Variants in RALGAPA2 observed in about 807,000 individuals in gnomAD.
The protein encoded by RALGAPA2 is ral GTPase-activating protein subunit alpha-2.
Under a neutral mutation model 230.4 loss-of-function variants are expected in RALGAPA2, and 139 were observed. That is an observed-to-expected ratio of 0.60 (90% confidence interval 0.53 to 0.69). RALGAPA2 has a LOEUF of 0.69. RALGAPA2 is among the 30% of genes least tolerant of loss of function. RALGAPA2 has a pLI of 0.00. For synonymous variants in RALGAPA2, 847 were observed against 837.8 expected (o/e 1.01, Z -0.19); for missense variants, 2,163 against 2,276.0 (o/e 0.95, Z 1.01).
intron 38 of RALGAPA2, among the ~76,000 whole-genome samples, chr20:20,404,573 G>A (rs1569365593): frequency 6.6e-6 from 1 of 152,210 alleles, no homozygotes; most frequent in South Asian, 2.1e-4. Context: ...CACAAGGAAT[G>A]TGAACCCGGG....
intron 7 of RALGAPA2, among the ~76,000 whole-genome samples, chr20:20,639,044 T>TCC (rs1021465512): frequency 2.0e-5 from 3 of 152,176 alleles, no homozygotes; most frequent in Non-Finnish European, 4.4e-5. Context: ...AAGTGTGCCC[T>TCC]CCTTCTGGGC....
chr20:20,657,539 C>A (rs933019277), intron 3 of RALGAPA2, among the ~76,000 whole-genome samples: 1 of 152,262 alleles, frequency 6.6e-6, no homozygotes, highest in East Asian at 1.9e-4. Flanking sequence ...AAGAGACGGG[C>A]CCCCTACTTG....
intron 16 of RALGAPA2, 47 bp from the exon 17 acceptor site, chr20:20,591,361 A>G: frequency 1.3e-6 from 2 of 1,571,540 alleles, no homozygotes; most frequent in Non-Finnish European, 8.7e-7. Flanking sequence ...AAGTTTTTAA[A>G]AAACACATTC....
At position 20,583,215 on chromosome 20, in the gene RALGAPA2, T is replaced by C; in HGVS notation, c.2542A>G (p.Asn848Asp). The C allele has an allele frequency of 6.2e-7, 1 of 1,604,772 alleles. No individual in the cohort carries two copies. Among genetic ancestry groups the C allele is most frequent in the Non-Finnish European group, 8.5e-7 (1 of 1,176,618 alleles). Residue 848 changes from asparagine to aspartate, a missense_variant, in exon 20 of 40, where the codon AAC (asparagine) becomes GAC (aspartate). Coordinates refer to ENST00000202677, the MANE Select transcript of RALGAPA2 (RefSeq NM_020343.4). Reference protein sequence around the residue: ...CRERQKSESTNSDTTLGCTNE... With the variant: ...CRERQKSESTDSDTTLGCTNE... ...GTACAGCCCAGAGTTGTGTCACTGT[T>C]GGTACTTTCACCTGGTACAATGGAA... is the stretch of plus-strand genomic sequence containing the variant.
chr20:20,509,005 A>C (rs2062619695), intron 33 of RALGAPA2, among the ~76,000 whole-genome samples: 1 of 152,238 alleles, frequency 6.6e-6, no homozygotes, highest in African/African-American at 2.4e-5. Flanking sequence ...CAACAAATTG[A>C]CCGCAATTAC....
At chr20:20,499,184 T>C (rs985484404) in intron 35 of RALGAPA2, among the ~76,000 whole-genome samples, 1 of 152,178 alleles carries the variant, frequency 6.6e-6, no homozygotes, top group Non-Finnish European at 1.5e-5. Context: ...AGAGAGTTTA[T>C]CACTAATGAT....
chr20:20,565,566 C>T (rs2064389629), intron 23 of RALGAPA2, among the ~76,000 whole-genome samples: 1 of 152,090 alleles, frequency 6.6e-6, no homozygotes, highest in East Asian at 1.9e-4. Flanking sequence ...GGTTGTAACA[C>T]CCGTTAAGAA....
chr20:20,512,471 AAAT>A (rs2062741327), intron 32 of RALGAPA2, 39 bp downstream of exon 32: 2 of 1,476,520 alleles, frequency 1.4e-6, no homozygotes, highest in Non-Finnish European at 9.0e-7. Flanking sequence ...AAGTACATGA[AAAT>A]AATGATAAAA....
intron 4 of RALGAPA2, among the ~76,000 whole-genome samples, chr20:20,651,754 T>G (rs1166400066): frequency 6.6e-6 from 1 of 152,218 alleles, no homozygotes; most frequent in African/African-American, 2.4e-5. Flanking sequence ...TAAAGTGCTA[T>G]CTAAAGAAAA....
intron 16 of RALGAPA2, among the ~76,000 whole-genome samples, chr20:20,594,763 C>A (rs550555104): frequency 4.7e-4 from 68 of 143,464 alleles, no homozygotes; most frequent in Non-Finnish European, 8.4e-4. Flanking sequence ...GAGTCTCGCT[C>A]TGTCGGCCAG....
intron 38 of RALGAPA2, among the ~76,000 whole-genome samples, chr20:20,408,777 A>AC (rs1215864516): frequency 2.4e-5 from 2 of 82,682 alleles, no homozygotes; most frequent in African/African-American, 1.2e-4. Context: ...AAATGTATTT[A>AC]TACATAAAAC....
intron 37 of RALGAPA2, among the ~76,000 whole-genome samples, chr20:20,426,298 C>A (rs890807158): frequency 6.6e-6 from 1 of 152,206 alleles, no homozygotes; most frequent in Non-Finnish European, 1.5e-5. Flanking sequence ...CAAGATTGGT[C>A]ATGAAAATTC....
At chr20:20,636,558 A>ATGTG (rs1290152116) in intron 8 of RALGAPA2, among the ~76,000 whole-genome samples, 34 of 134,830 alleles carry the variant, frequency 2.5e-4, no homozygotes, top group African/African-American at 8.4e-4. Flanking sequence ...GTGTGTGTGT[A>ATGTG]TGTGTGTGTG....
chr20:20,640,911 C>T (rs760100894), intron 5 of RALGAPA2, 33 bp from the exon 6 acceptor site: 1 of 1,543,962 alleles, frequency 6.5e-7, no homozygotes, highest in Non-Finnish European at 8.9e-7. Flanking sequence ...GAAAATGAAA[C>T]ACATGTATTT....
In RALGAPA2 at chr20:20,712,280, AG is replaced by A; in HGVS notation, c.106+94del. The A allele has an allele frequency of 1.5e-5, 6 of 392,440 alleles. No individual in the cohort carries two copies. In the East Asian group the frequency reaches 4.1e-4, roughly 27 times the overall value. 24.3% of individuals were successfully genotyped at this position (392,440 alleles called of 1,614,324 possible). On this transcript the variant is annotated intron_variant, in intron 1 of 39. Transcript: ENST00000202677. This position sits in a 1 kb window ranked among gnomAD's most constrained non-coding sequence, Gnocchi z 5.5. ...CGGACGCCCACCCATCCCCCTCCCC[AG>A]CCTCCCAGCCACCGACCCCTGCACA...
At chr20:20,440,053 A>T (rs938500016) in intron 37 of RALGAPA2, among the ~76,000 whole-genome samples, 1 of 152,224 alleles carries the variant, frequency 6.6e-6, no homozygotes, top group Non-Finnish European at 1.5e-5. Context: ...TTACAAGTCA[A>T]ATAATGCTAA....
In RALGAPA2 at chr20:20,601,855, G is replaced by A; in HGVS notation, c.2039-9C>T. ...AGGATCTAGAACACAGCCTGATAAA[G>A]GAAAAGAAAAATAATCTAAAGGCTG... On this transcript the variant is annotated splice_polypyrimidine_tract_variant and intron_variant, in intron 15 of 39. Transcript: ENST00000202677. 2 of 1,569,648 alleles carry A rather than the reference G, an allele frequency of 1.3e-6. No individual in the cohort carries two copies. The highest frequency in any genetic ancestry group is 4.0e-5 in the Admixed American group (2 of 50,584).
chr20:20,570,175 T>C (rs1193250622), intron 23 of RALGAPA2, among the ~76,000 whole-genome samples: 1 of 152,190 alleles, frequency 6.6e-6, no homozygotes, highest in Non-Finnish European at 1.5e-5. Flanking sequence ...TACATGGATG[T>C]CCTCTATACA....
intron 38 of RALGAPA2, among the ~76,000 whole-genome samples, chr20:20,410,640 ATTTG>A (rs1303866604): frequency 2.6e-5 from 4 of 152,208 alleles, no homozygotes; most frequent in African/African-American, 9.6e-5. Flanking sequence ...CTTGAAACGA[ATTTG>A]TTTTTGTCTT....
Sources: allele counts gnomAD v4.1 joint callset (sites outside exome capture counted in the v4.1 genomes callset), GRCh38; gene constraint gnomAD v4.1.1; non-coding constraint Gnocchi (gnomAD v3.1); transcripts MANE v1.5; gene names NCBI Gene and HGNC (gene_info 2026-07-23, HGNC 2026-07-21).